Variants in CRHR1 observed in about 807,000 individuals in gnomAD.
CRHR1 encodes the protein corticotropin releasing hormone receptor 1, also known as corticotropin-releasing hormone receptor 1.
CRHR1 carries 28 observed loss-of-function variants against 56.0 expected under a neutral mutation model. The ratio of observed to expected loss-of-function variants is 0.50; its 90% CI spans 0.37 to 0.69. CRHR1 has a LOEUF of 0.69. Among genes scored for constraint, CRHR1 ranks in the 30% least tolerant of loss-of-function variants. The pLI is 0.00. For missense variants in CRHR1, 376 were observed against 548.0 expected (o/e 0.69, Z 3.13); for synonymous variants, 195 against 216.5 (o/e 0.90, Z 0.87).
intron 4 of CRHR1, chr17:45,826,812 C>T (rs957914866): frequency 6.6e-6 from 1 of 152,224 alleles, no homozygotes; most frequent in African/African-American, 2.4e-5. Context: ...CCCATCTCTA[C>T]CAAAAAATAC....
At chr17:45,809,513 C>T (rs2061779909) in intron 2 of CRHR1, among the ~76,000 whole-genome samples, 1 of 152,248 alleles carries the variant, frequency 6.6e-6, no homozygotes, top group South Asian at 2.1e-4. Context: ...AGTGTTCATT[C>T]CCTAGTGATT....
At position 45,816,591 on chromosome 17, in the gene CRHR1, G is replaced by T; in HGVS notation, c.241+9G>T. 2 of 1,614,030 alleles carry T rather than the reference G, an allele frequency of 1.2e-6. No homozygotes were observed. The highest frequency in any genetic ancestry group is 1.7e-6 in the Non-Finnish European group (2 of 1,179,968). The stretch of plus-strand genomic sequence containing the variant: ...CCGCTACAATACCACAAGTAAGGAA[G>T]AAGTGGAGGGTGGACCATCTGCTGG... On this transcript the variant is annotated intron_variant, in intron 3 of 12. Transcript: ENST00000314537.
chr17:45,808,931 C>T (rs2061768713), intron 2 of CRHR1, among the ~76,000 whole-genome samples: 1 of 152,218 alleles, frequency 6.6e-6, no homozygotes. Context: ...GTCTCAGCCT[C>T]AGCAGGCTTT....
intron 12 of CRHR1, 71 bp downstream of exon 12, chr17:45,834,119 C>A: frequency 1.9e-6 from 3 of 1,547,844 alleles, no homozygotes; most frequent in Non-Finnish European, 2.7e-6. Flanking sequence ...TTGTCTAGAG[C>A]CTTCTCCTCC....
chr17:45,819,522 C>T (rs2061997950), intron 3 of CRHR1, among the ~76,000 whole-genome samples: 1 of 151,872 alleles, frequency 6.6e-6, no homozygotes, highest in Non-Finnish European at 1.5e-5. Context: ...TTCAGAGCAG[C>T]CTCTGGTCCC....
chr17:45,830,101 C>T lies in CRHR1; in HGVS notation c.442C>T (p.Arg148Trp), dbSNP rs1278905239. 3.1e-6 allele frequency: 5 copies of T among 1,613,992 alleles called. No individual in the cohort carries two copies. The highest frequency in any genetic ancestry group is 2.2e-5 in the South Asian group (2 of 91,086). Residue 148 changes from arginine to tryptophan, a missense_variant, in exon 6 of 13, where the codon CGG (arginine) becomes TGG (tryptophan). By Grantham distance (101) the Arg-to-Trp change is moderately radical. Transcript: ENST00000314537. ...CCCGCCCTGCTGCACCAGGAGCATC[C>T]GGTGCCTGCGAAACATCATCCACTG... ...FVLFLRLRSI[R>W]CLRNIIHWNL...
intron 3 of CRHR1, among the ~76,000 whole-genome samples, chr17:45,818,811 C>T (rs144462624): frequency 3.3e-5 from 5 of 152,192 alleles, no homozygotes; most frequent in Non-Finnish European, 5.9e-5. Flanking sequence ...AATGCCCTCC[C>T]TCCTGCTGCA....
At chr17:45,808,330 T>C (rs1168068244) in intron 2 of CRHR1, among the ~76,000 whole-genome samples, 3 of 152,198 alleles carry the variant, frequency 2.0e-5, no homozygotes, top group Non-Finnish European at 4.4e-5. Flanking sequence ...CCTGGCCAGC[T>C]GTTCCTTCAC....
At chr17:45,797,235 T>C (rs897177991) in intron 1 of CRHR1, among the ~76,000 whole-genome samples, 3 of 151,454 alleles carry the variant, frequency 2.0e-5, no homozygotes, top group Non-Finnish European at 2.9e-5. Flanking sequence ...TGACCATTTG[T>C]GCGGCCTGCG....
rs1325375711 is a variant in CRHR1, at chr17:45,833,227, G to A, written c.843+17G>A. ...GTCCTGCTGGTAAGAACCTGGGTAG[G>A]GGCAGGAGACAGGGCCCAGTGGGGA... is the stretch of plus-strand genomic sequence containing the variant. On this transcript the variant is annotated intron_variant, in intron 9 of 12. Transcript: ENST00000314537. 2.5e-6 allele frequency: 4 copies of A among 1,613,088 alleles called. No homozygotes were observed. The highest frequency in any genetic ancestry group is 2.5e-6 in the Non-Finnish European group (3 of 1,179,142).
chr17:45,824,083 A>T (rs1273846330), intron 4 of CRHR1, among the ~76,000 whole-genome samples: 1 of 152,188 alleles, frequency 6.6e-6, no homozygotes, highest in Admixed American at 6.5e-5. Context: ...CTCCTCCTGG[A>T]CTGGGGGAAG....
Position 45,834,935 on chromosome 17 carries a change from ACTCTAG to A in CRHR1, c.*175_*180del. On this transcript the variant is annotated 3_prime_UTR_variant, in exon 13 of 13. Coordinates refer to ENST00000314537, the MANE Select transcript of CRHR1 (RefSeq NM_004382.5). ...CGCTCTCCCCCTGCAGCCGTGCAGG[ACTCTAG>A]CTCATGAGTGGAAAGTCACCTACAG... The A allele has an allele frequency of 1.1e-6, 1 of 876,048 alleles. No homozygotes were observed. Among genetic ancestry groups the A allele is most frequent in the Non-Finnish European group, 1.7e-6 (1 of 584,640 alleles). 54.3% of individuals were successfully genotyped at this position (876,048 alleles called of 1,614,324 possible).
In CRHR1 at chr17:45,811,669, G is replaced by A. The variant is rs927983909; in HGVS notation, c.121+4572G>A. Among the ~76,000 whole-genome samples, 5 of 152,176 alleles carry A rather than the reference G, an allele frequency of 3.3e-5. No individual in the cohort carries two copies. In the East Asian group the frequency reaches 5.8e-4, roughly 18 times the overall value. On this transcript the variant is annotated intron_variant, in intron 2 of 12. Coordinates refer to ENST00000314537, the MANE Select transcript of CRHR1 (RefSeq NM_004382.5). Reference sequence around the variant, plus strand: ...GACACACCAAGCACACACCTGCTCCGGGGGTCCTTGTACTTGCAGTTGCCT... The same window carrying A: ...GACACACCAAGCACACACCTGCTCCAGGGGTCCTTGTACTTGCAGTTGCCT...
At chr17:45,830,056 C>T (rs2062260039) in intron 5 of CRHR1, 38 bp from the exon 6 acceptor site, 1 of 1,612,996 alleles carries the variant, frequency 6.2e-7, no homozygotes, top group African/African-American at 1.3e-5. Context: ...TCCTCTCTCT[C>T]CTATCGCTCC....
intron 2 of CRHR1, among the ~76,000 whole-genome samples, chr17:45,811,268 G>T (rs770669705): frequency 6.6e-6 from 1 of 152,246 alleles, no homozygotes; most frequent in Non-Finnish European, 1.5e-5. Flanking sequence ...CCTTCAAAGG[G>T]CTCTTACCTG....
chr17:45,830,114 A>ACAT lies in CRHR1; in HGVS notation c.460_462dup (p.Ile154dup). On this transcript the variant is annotated inframe_insertion, in exon 6 of 13. Coordinates refer to ENST00000314537, the MANE Select transcript of CRHR1 (RefSeq NM_004382.5). ...ACCAGGAGCATCCGGTGCCTGCGAA[A>ACAT]CATCATCCACTGGAACCTCATCTCC... is the stretch of plus-strand genomic sequence containing the variant. The ACAT allele has an allele frequency of 6.2e-7, 1 of 1,614,046 alleles. No individual in the cohort carries two copies. Among genetic ancestry groups the ACAT allele is most frequent in the Non-Finnish European group, 8.5e-7 (1 of 1,179,996 alleles).
Position 45,833,521 on chromosome 17 carries a change from G to A in CRHR1, c.913G>A (p.Glu305Lys). 6.2e-7 allele frequency: 1 copy of A among 1,614,002 alleles called. No individual in the cohort carries two copies. Among genetic ancestry groups the A allele is most frequent in the Non-Finnish European group, 8.5e-7 (1 of 1,179,986 alleles). The change falls in exon 10 of 13, where the codon GAG becomes AAG. Residue 305 changes from glutamate to lysine, a missense_variant. Physicochemically the swap from Glu to Lys is moderately conservative, Grantham distance 56. This residue lies in a region of CRHR1 where 369 missense variants were observed against 519.5 expected (regional missense o/e 0.71). Transcript: ENST00000314537. ...CAAGCTCCGGGCATCCACCACGTCTGAGACCATTCAGTACAGGTAACCGGG... is the reference window on the plus strand; with the variant it reads ...CAAGCTCCGGGCATCCACCACGTCTAAGACCATTCAGTACAGGTAACCGGG... The part of the protein sequence containing the change: ...MTKLRASTTS[E>K]TIQYRKAVKA...
Position 45,809,884 on chromosome 17 carries a change from T to C in CRHR1, c.121+2787T>C, listed in dbSNP as rs532441536. Among the ~76,000 whole-genome samples the C allele has an allele frequency of 3.3e-5, 5 of 152,344 alleles. No individual in the cohort carries two copies. In the South Asian group the frequency reaches 1.0e-3, roughly 32 times the overall value. On this transcript the variant is annotated intron_variant, in intron 2 of 12. Transcript: ENST00000314537. ...TGAGTATGACAATGCCAGGAGGTAA[T>C]AGAATCATTTACTAATGACATCACA...
At chr17:45,790,664 C>T (rs947554421) in intron 1 of CRHR1, among the ~76,000 whole-genome samples, 1 of 152,168 alleles carries the variant, frequency 6.6e-6, no homozygotes, top group African/African-American at 2.4e-5. Flanking sequence ...TGCCCCCCTC[C>T]GCATGTCAGC....
Sources: gnomAD v4.1 joint callset for allele counts (sites outside exome capture counted in the v4.1 genomes callset) on GRCh38, gnomAD v4.1.1 for gene constraint, gnomAD v4.1.1 regional missense constraint, MANE v1.5 for transcripts, NCBI Gene and HGNC (gene_info 2026-07-23, HGNC 2026-07-21) for gene names.